Variants in SP3 observed in about 807,000 individuals in gnomAD.
The protein encoded by SP3 is Sp3 transcription factor.
Under a neutral mutation model 70.3 loss-of-function variants are expected in SP3, and 10 were observed. The observed-to-expected ratio is 0.14, with a 90% confidence interval of 0.09 to 0.24. SP3 has a LOEUF of 0.24. Among genes scored for constraint, SP3 ranks in the 10% least tolerant of loss-of-function variants. SP3 has a pLI of 1.00. For synonymous variants in SP3, 402 were observed against 333.5 expected, an observed-to-expected ratio of 1.21 and a Z score of -2.24; for missense variants, 825 against 914.6, an observed-to-expected ratio of 0.90 and a Z score of 1.26.
At chr2:173,964,241 G>C (rs1691196922) in intron 2 of SP3, 164 bp downstream of exon 2, 1 of 497,944 alleles carries the variant, frequency 2.0e-6, no homozygotes, top group South Asian at 2.7e-5. Flanking sequence ...GGGCGGGGTC[G>C]GAGCGTTGGC....
chr2:173,956,008 A>C lies in SP3; in HGVS notation c.504T>G (p.Val168=). The change falls in exon 4 of 7, where the codon GTT becomes GTG. Residue 168 remains valine, a synonymous_variant. Transcript: ENST00000310015. ...SDSSNGTVSS[V]QYQVIPQIQS... ...GGATCTGTGGTATCACTTGATATTG[A>C]ACACTGGACACTGTACCATTTGATG... 6.2e-7 allele frequency: 1 copy of C among 1,614,186 alleles called. No homozygotes were observed. Among genetic ancestry groups the C allele is most frequent in the Non-Finnish European group, 8.5e-7 (1 of 1,180,028 alleles).
At chr2:173,925,542 T>C (rs1689889610) in intron 4 of SP3, among the ~76,000 whole-genome samples, 1 of 152,196 alleles carries the variant, frequency 6.6e-6, no homozygotes, top group Non-Finnish European at 1.5e-5. Context: ...ACTTAAAAAT[T>C]GTTAAGATGG....
rs1199171166 is a variant in SP3 at position 173,908,728 on chromosome 2, T to A, written c.*1213A>T. 6.6e-6 allele frequency: 1 copy of A among 152,386 alleles called. No individual in the cohort carries two copies. Among genetic ancestry groups the A allele is most frequent in the Non-Finnish European group, 1.5e-5 (1 of 67,870 alleles). 9.4% of individuals were successfully genotyped at this position (152,386 alleles called of 1,614,324 possible). On this transcript the variant is annotated 3_prime_UTR_variant, in exon 7 of 7. Transcript: ENST00000310015. ...TGTATAGCTCTTACAAGACCAGCAA[T>A]GTAACTTTATTTTGTACATTTTTGA...
chr2:173,903,496 A>G lies in SP3; in HGVS notation c.*6445T>C, dbSNP rs776692638. Among the ~76,000 whole-genome samples the G allele has an allele frequency of 1.3e-5, 2 of 152,122 alleles. No homozygotes were observed. Among genetic ancestry groups the G allele is most frequent in the Non-Finnish European group, 2.9e-5 (2 of 67,864 alleles). ...TGAATAAAGATGGAAAAAAACACAC[A>G]GAGTTACTAGGAGTAGAATTGAGAA... On this transcript the variant is annotated 3_prime_UTR_variant, in exon 7 of 7. Transcript: ENST00000310015.
In SP3 at chr2:173,908,818, T is replaced by C. The variant is rs1689395749; in HGVS notation, c.*1123A>G. The C allele has an allele frequency of 6.6e-6, 1 of 151,878 alleles. No homozygotes were observed. Among genetic ancestry groups the C allele is most frequent in the South Asian group, 2.1e-4 (1 of 4,816 alleles). The allele number at this position is 151,878 out of a possible 1,614,324, so 9.4% of individuals were successfully genotyped here. A position where few individuals can be genotyped will look rare whatever the true frequency, so the allele number is the denominator to read the frequency against. On this transcript the variant is annotated 3_prime_UTR_variant, in exon 7 of 7. Coordinates refer to ENST00000310015, the MANE Select transcript of SP3 (RefSeq NM_003111.5). ...TACAGCATAATAAAAAACATACGCTTCTCAATTAAATGTACTGGATACATA... is the reference window on the plus strand; with the variant it reads ...TACAGCATAATAAAAAACATACGCTCCTCAATTAAATGTACTGGATACATA...
intron 4 of SP3, among the ~76,000 whole-genome samples, chr2:173,950,768 T>A (rs1318143468): frequency 1.3e-5 from 2 of 152,204 alleles, no homozygotes; most frequent in African/African-American, 4.8e-5. Flanking sequence ...TTGCTCTGAT[T>A]TTCTAGTGAG....
Position 173,965,287 on chromosome 2 carries a change from C to G in SP3, c.-116G>C, listed in dbSNP as rs1232292313. 3.2e-6 allele frequency: 4 copies of G among 1,256,622 alleles called. No homozygotes were observed. The highest frequency in any genetic ancestry group is 2.6e-5 in the East Asian group (1 of 38,714). The allele number at this position is 1,256,622 out of a possible 1,614,324, so 77.8% of individuals were successfully genotyped here. ...CGGCGGCGGACACGGCCGGAGCGGTCCGGGGATTTTTTTTTCCTATTTTGA... is the reference window on the plus strand; with the variant it reads ...CGGCGGCGGACACGGCCGGAGCGGTGCGGGGATTTTTTTTTCCTATTTTGA... On this transcript the variant is annotated 5_prime_UTR_variant, in exon 1 of 7. Coordinates refer to ENST00000310015, the MANE Select transcript of SP3 (RefSeq NM_003111.5).
At chr2:173,953,184 G>C (rs1057051209) in intron 4 of SP3, among the ~76,000 whole-genome samples, 1 of 152,220 alleles carries the variant, frequency 6.6e-6, no homozygotes, top group Non-Finnish European at 1.5e-5. Flanking sequence ...CAAGTGCATG[G>C]TCATGAAGAA....
intron 4 of SP3, among the ~76,000 whole-genome samples, chr2:173,946,493 C>T (rs6755387): frequency 0.2 from 29,765 of 151,932 alleles, 3,116 homozygotes; most frequent in Middle Eastern, 0.27. Context: ...GTTATTTCCT[C>T]ATTTCCAACT....
At chr2:173,941,686 T>A (rs1690377289) in intron 4 of SP3, among the ~76,000 whole-genome samples, 1 of 152,240 alleles carries the variant, frequency 6.6e-6, no homozygotes, top group Non-Finnish European at 1.5e-5. Flanking sequence ...TTGGCTTTCA[T>A]GGAAGCTCCT....
chr2:173,919,572 A>G (rs1461755945), intron 4 of SP3, among the ~76,000 whole-genome samples: 2 of 152,200 alleles, frequency 1.3e-5, no homozygotes, highest in African/African-American at 4.8e-5. Flanking sequence ...CAAAAGTAAT[A>G]ATCCATCAAA....
At position 173,955,417 on chromosome 2, in the gene SP3, A is replaced by G; in HGVS notation, c.1095T>C (p.Ser365=). ...SLTTSSGQVH[S]SDLQGNYIQS... ...GGATATAATTTCCCTGAAGATCTGA[A>G]GAATGAACCTGCCCACTAGATGTAG... Residue 365 remains serine, a synonymous_variant, in exon 4 of 7, where the codon TCT becomes TCC. Transcript: ENST00000310015. 1 of 1,614,166 alleles carries G rather than the reference A, an allele frequency of 6.2e-7. No homozygotes were observed. The highest frequency in any genetic ancestry group is 8.5e-7 in the Non-Finnish European group (1 of 1,180,028).
chr2:173,910,182 G>A lies in SP3; in HGVS notation c.2105C>T (p.Thr702Ile). 1 of 1,613,932 alleles carries A rather than the reference G, an allele frequency of 6.2e-7. No homozygotes were observed. Residue 702 changes from threonine to isoleucine, a missense_variant, in exon 7 of 7, where the codon ACA becomes ATA. Transcript: ENST00000310015. ...GTGAATACCTTTTTTATTCTGGTGT[G>A]TTTTAATATGTTTGGCAAGGTGGTC... ...RSDHLAKHIK[T>I]HQNKKGIHSS...
intron 4 of SP3, among the ~76,000 whole-genome samples, chr2:173,939,942 A>G (rs1690318548): frequency 6.6e-6 from 1 of 152,114 alleles, no homozygotes; most frequent in Non-Finnish European, 1.5e-5. Context: ...ACTCAATCAT[A>G]ACTCACTGTA....
In SP3 at chr2:173,902,801, T is replaced by C. The variant is rs987499669; in HGVS notation, c.*7140A>G. ...TATAATAAGGATATAAAACCACTCA[T>C]GGTATCATTCTGATAAACATCAAAT... is the stretch of plus-strand genomic sequence containing the variant. On this transcript the variant is annotated 3_prime_UTR_variant, in exon 7 of 7. Transcript: ENST00000310015. Among the ~76,000 whole-genome samples, 4 of 152,184 alleles carry C rather than the reference T, an allele frequency of 2.6e-5. No homozygotes were observed. Among genetic ancestry groups the C allele is most frequent in the African/African-American group, 9.7e-5 (4 of 41,448 alleles).
intron 4 of SP3, among the ~76,000 whole-genome samples, chr2:173,932,730 C>T (rs1052278071): frequency 2.0e-5 from 3 of 152,102 alleles, no homozygotes; most frequent in African/African-American, 4.8e-5. Flanking sequence ...CAGTGGCTCA[C>T]GCCTGTAATC....
intron 4 of SP3, among the ~76,000 whole-genome samples, chr2:173,938,640 T>A (rs961133129): frequency 6.7e-6 from 1 of 148,810 alleles, no homozygotes; most frequent in African/African-American, 2.5e-5. Flanking sequence ...AAACAAGAAA[T>A]ACATGTTAGC....
intron 4 of SP3, among the ~76,000 whole-genome samples, chr2:173,952,247 A>G (rs1265053275): frequency 3.9e-5 from 6 of 152,184 alleles, no homozygotes; most frequent in Admixed American, 3.9e-4. Flanking sequence ...TAACTGAGGG[A>G]AAAAAGTGGT....
chr2:173,964,895 C>T (rs902629956), intron 1 of SP3: 5 of 509,260 alleles, frequency 9.8e-6, no homozygotes, highest in Non-Finnish European at 1.7e-5. Context: ...CACACGCCCG[C>T]CCGCGCCCGC....
Sources: gnomAD v4.1 joint callset for allele counts (sites outside exome capture counted in the v4.1 genomes callset) on GRCh38, gnomAD v4.1.1 for gene constraint, MANE v1.5 for transcripts, NCBI Gene and HGNC (gene_info 2026-07-23, HGNC 2026-07-21) for gene names.